The following FOLH1 variants were observed in gnomAD, a reference collection of about 807,000 sequenced individuals.
FOLH1 encodes the protein glutamate carboxypeptidase 2.
A neutral mutation model predicts 93.9 loss-of-function variants in FOLH1; 54 were observed. The ratio of observed to expected loss-of-function variants is 0.57; its 90% CI spans 0.46 to 0.72. FOLH1 has a LOEUF of 0.72. Ranked by LOEUF, FOLH1 falls within the 30% of genes least tolerant of loss-of-function variation. The probability of loss-of-function intolerance (pLI) is 0.00; values close to 1 mark genes in which losing one functional copy is unlikely to be tolerated. For missense variants in FOLH1, 571 were observed against 892.5 expected, an observed-to-expected ratio of 0.64 and a Z score of 4.59; for synonymous variants, 249 against 303.6, an observed-to-expected ratio of 0.82 and a Z score of 1.87.
chr11:49,205,584 T>C (rs1375215834), intron 2 of FOLH1, among the ~76,000 whole-genome samples: 2 of 152,236 alleles, frequency 1.3e-5, no homozygotes, highest in African/African-American at 4.8e-5. Flanking sequence ...TCTAAAGCAT[T>C]AATCAGCAAA....
chr11:49,180,136 T>C (rs1378347511), intron 7 of FOLH1, among the ~76,000 whole-genome samples: 2 of 151,914 alleles, frequency 1.3e-5, no homozygotes, highest in African/African-American at 4.9e-5. Flanking sequence ...CCCGGCTCTC[T>C]CACTTACTCT....
intron 17 of FOLH1, among the ~76,000 whole-genome samples, chr11:49,149,511 A>G (rs1856227662): frequency 6.6e-6 from 1 of 152,188 alleles, no homozygotes; most frequent in African/African-American, 2.4e-5. Flanking sequence ...GCAATTATAT[A>G]AAATAGAAAA....
chr11:49,165,129 C>T (rs61886495), intron 12 of FOLH1, among the ~76,000 whole-genome samples: 5,126 of 152,232 alleles, frequency 0.034, 123 homozygotes, highest in Non-Finnish European at 0.051. Flanking sequence ...GAGAGATTTC[C>T]CCTGATCACC....
chr11:49,185,718 T>G lies in FOLH1; in HGVS notation c.777A>C (p.Leu259=). Residue 259 remains leucine (L), a synonymous_variant, in exon 6 of 19, where the codon CTA becomes CTC. Coordinates refer to ENST00000256999, the MANE Select transcript of FOLH1 (RefSeq NM_004476.3). Reference sequence around the variant, plus strand: ...GAGGGTCTCCTGCACCATTCAGATTTAGGATATTTCCACGCTGGACACCAC... The same window carrying G: ...GAGGGTCTCCTGCACCATTCAGATTGAGGATATTTCCACGCTGGACACCAC... The part of the protein sequence containing the change: ...PGGGVQRGNI[L]NLNGAGDPLT... 1.2e-6 allele frequency: 2 copies of G among 1,613,778 alleles called. No homozygotes were observed. Among genetic ancestry groups the G allele is most frequent in the Non-Finnish European group, 1.7e-6 (2 of 1,179,804 alleles).
At chr11:49,148,514 A>G in intron 18 of FOLH1, 125 bp downstream of exon 18, 2 of 671,984 alleles carry the variant, frequency 3.0e-6, no homozygotes, top group Non-Finnish European at 2.5e-6. Flanking sequence ...CTTACTACAT[A>G]TATTTTGAAA....
At chr11:49,178,598 T>C (rs1267342381) in intron 7 of FOLH1, among the ~76,000 whole-genome samples, 4 of 152,248 alleles carry the variant, frequency 2.6e-5, no homozygotes, top group Admixed American at 2.6e-4. Flanking sequence ...AGTTGAAAAA[T>C]GTTACTGAAA....
At chr11:49,161,002 T>C (rs951008000) in intron 13 of FOLH1, among the ~76,000 whole-genome samples, 10 of 152,212 alleles carry the variant, frequency 6.6e-5, no homozygotes, top group African/African-American at 2.4e-4. Flanking sequence ...GAGACGTTTT[T>C]AATTTCATTT....
chr11:49,198,456 T>C (rs1294397086), intron 3 of FOLH1, among the ~76,000 whole-genome samples: 1 of 149,044 alleles, frequency 6.7e-6, no homozygotes, highest in Non-Finnish European at 1.5e-5. Context: ...CACTCCAGCC[T>C]GGGCGACAAA....
At chr11:49,176,849 C>T (rs1267270295) in intron 7 of FOLH1, among the ~76,000 whole-genome samples, 2 of 151,342 alleles carry the variant, frequency 1.3e-5, no homozygotes, top group African/African-American at 4.9e-5. Context: ...TTAAACCCAG[C>T]TCCACTTAAA....
chr11:49,183,496 A>AT (rs1861027052), intron 6 of FOLH1, among the ~76,000 whole-genome samples: 2 of 152,150 alleles, frequency 1.3e-5, no homozygotes, highest in Admixed American at 1.3e-4. Flanking sequence ...AATGTGCACT[A>AT]TGGCACAGCA....
At chr11:49,173,007 T>C (rs1248811589) in intron 10 of FOLH1, among the ~76,000 whole-genome samples, 1 of 152,196 alleles carries the variant, frequency 6.6e-6, no homozygotes, top group African/African-American at 2.4e-5. Flanking sequence ...CGGAGGAACG[T>C]CTGCTTACAG....
At chr11:49,163,648 C>T (rs940474648) in intron 13 of FOLH1, among the ~76,000 whole-genome samples, 4 of 151,728 alleles carry the variant, frequency 2.6e-5, no homozygotes, top group Non-Finnish European at 5.9e-5. Context: ...CCCTTGAATT[C>T]AGCCTCTTTT....
chr11:49,187,600 A>G (rs1275258221), intron 4 of FOLH1, among the ~76,000 whole-genome samples: 2 of 152,106 alleles, frequency 1.3e-5, no homozygotes, highest in African/African-American at 4.8e-5. Flanking sequence ...AAATTTTGTC[A>G]TCTCTTTTTT....
intron 5 of FOLH1, among the ~76,000 whole-genome samples, chr11:49,186,405 T>C (rs1861388927): frequency 6.6e-6 from 1 of 152,188 alleles, no homozygotes; most frequent in South Asian, 2.1e-4. Flanking sequence ...CCATAACCTG[T>C]AAGCACAGAA....
rs1435037890 is a variant in FOLH1 at position 49,183,246 on chromosome 11, A to G, written c.827-4T>C. The G allele has an allele frequency of 2.6e-6, 4 of 1,544,352 alleles. No homozygotes were observed. Among genetic ancestry groups the G allele is most frequent in the African/African-American group, 1.4e-5 (1 of 72,378 alleles). On this transcript the variant is annotated splice_region_variant and splice_polypyrimidine_tract_variant and intron_variant, in intron 6 of 18. Transcript: ENST00000256999. ...ATTCCACGCCTATAAGCATATTCTGAAAAAAAAAATTGCCATATTTCCAGT... is the reference window on the plus strand; with the variant it reads ...ATTCCACGCCTATAAGCATATTCTGGAAAAAAAAATTGCCATATTTCCAGT...
At chr11:49,154,874 C>T (rs1285041990) in intron 15 of FOLH1, among the ~76,000 whole-genome samples, 1 of 151,764 alleles carries the variant, frequency 6.6e-6, no homozygotes, top group Non-Finnish European at 1.5e-5. Context: ...AAGTATTACA[C>T]AATATTATAT....
chr11:49,147,661 T>A (rs1299096212), intron 18 of FOLH1, among the ~76,000 whole-genome samples: 1 of 152,092 alleles, frequency 6.6e-6, no homozygotes, highest in Non-Finnish European at 1.5e-5. Context: ...CAGTAGCTCA[T>A]GCCTGTAATC....
chr11:49,150,721 T>G (rs1037010243), intron 17 of FOLH1, among the ~76,000 whole-genome samples: 4 of 152,184 alleles, frequency 2.6e-5, no homozygotes, highest in African/African-American at 4.8e-5. Context: ...GGGTTGTTAT[T>G]ATAATAAGAA....
chr11:49,198,567 C>G lies in FOLH1; in HGVS notation c.411+1688G>C, dbSNP rs1033702041. 2.7e-5 allele frequency among the ~76,000 whole-genome samples: 4 copies of G among 146,956 alleles called. No individual in the cohort carries two copies. In the Admixed American group the frequency reaches 2.7e-4, roughly 10 times the overall value. ...TAGACAATTCTCAAATTTGATAGATCAAAGAGACGTTTAAGCATATGTATA... is the reference window on the plus strand; with the variant it reads ...TAGACAATTCTCAAATTTGATAGATGAAAGAGACGTTTAAGCATATGTATA... On this transcript the variant is annotated intron_variant, in intron 3 of 18. Coordinates refer to ENST00000256999, the MANE Select transcript of FOLH1 (RefSeq NM_004476.3).
Sources: gnomAD v4.1 joint callset for allele counts (sites outside exome capture counted in the v4.1 genomes callset) on GRCh38, gnomAD v4.1.1 for gene constraint, MANE v1.5 for transcripts, NCBI Gene and HGNC (gene_info 2026-07-23, HGNC 2026-07-21) for gene names.